Variants in TBC1D22A observed in about 807,000 individuals in gnomAD.
TBC1D22A encodes the protein putative GTPase activator.
In TBC1D22A, 38 loss-of-function variants were observed where a neutral mutation model predicts 60.2. The observed-to-expected ratio is 0.63, with a 90% confidence interval of 0.49 to 0.83. TBC1D22A has a LOEUF of 0.83. Among genes scored for constraint, TBC1D22A ranks in the 40% least tolerant of loss-of-function variants. The pLI is 0.00. For missense variants in TBC1D22A, 628 were observed against 701.0 expected (o/e 0.90, Z 1.18); for synonymous variants, 302 against 281.7 (o/e 1.07, Z -0.72).
chr22:46,848,728 C>T (rs981747991), intron 4 of TBC1D22A, among the ~76,000 whole-genome samples: 18 of 152,178 alleles, frequency 1.2e-4, no homozygotes, highest in Non-Finnish European at 1.5e-4. Context: ...TGCAAATAGT[C>T]ATAAATATTG....
intron 8 of TBC1D22A, among the ~76,000 whole-genome samples, chr22:46,919,666 G>A (rs1023255295): frequency 2.6e-5 from 4 of 150,966 alleles, no homozygotes; most frequent in African/African-American, 4.9e-5. Context: ...TGGGAGGAGC[G>A]TATGTTTCCT....
Position 46,870,070 on chromosome 22 carries a change from C to T in TBC1D22A, c.638-8583C>T, listed in dbSNP as rs145602634. 6.8e-3 allele frequency among the ~76,000 whole-genome samples: 1,037 copies of T among 152,326 alleles called. 13 individuals are homozygous for T. The highest frequency in any genetic ancestry group is 0.024 in the Middle Eastern group (7 of 294). On this transcript the variant is annotated intron_variant, in intron 4 of 12. Coordinates refer to ENST00000337137, the MANE Select transcript of TBC1D22A (RefSeq NM_014346.5). ...GTGCTCTTGGATTTGTACATTATGT[C>T]ACAGTTCACCAATGTTTCCCCATGT...
At chr22:47,085,443 A>G (rs2064640428) in intron 11 of TBC1D22A, among the ~76,000 whole-genome samples, 1 of 152,200 alleles carries the variant, frequency 6.6e-6, no homozygotes, top group South Asian at 2.1e-4. Flanking sequence ...ATGCAGTCTT[A>G]CAGTTGCCAA....
chr22:47,041,021 G>A (rs958424522), intron 11 of TBC1D22A, among the ~76,000 whole-genome samples: 1 of 152,130 alleles, frequency 6.6e-6, no homozygotes, highest in Non-Finnish European at 1.5e-5. Context: ...TGCAGGTGGC[G>A]GGGGACTCGC....
intron 11 of TBC1D22A, 63 bp downstream of exon 11, chr22:47,037,261 C>T (rs1195790253): frequency 3.8e-6 from 6 of 1,599,474 alleles, no homozygotes; most frequent in South Asian, 3.3e-5. Context: ...TTCCTGTCGC[C>T]TTCTGCCCTG....
At chr22:46,830,931 C>T (rs1292275088) in intron 4 of TBC1D22A, among the ~76,000 whole-genome samples, 1 of 152,008 alleles carries the variant, frequency 6.6e-6, no homozygotes, top group Non-Finnish European at 1.5e-5. Flanking sequence ...TAAGAGGTAT[C>T]TCCGAGGAAG....
At chr22:46,796,844 C>T (rs1218555599) in intron 3 of TBC1D22A, among the ~76,000 whole-genome samples, 2 of 152,172 alleles carry the variant, frequency 1.3e-5, no homozygotes, top group Admixed American at 1.3e-4. Context: ...CCTTTGTTTC[C>T]TTGGGATGAG....
chr22:47,045,444 G>A (rs890474293), intron 11 of TBC1D22A, among the ~76,000 whole-genome samples: 4 of 152,228 alleles, frequency 2.6e-5, no homozygotes, highest in Non-Finnish European at 4.4e-5. Flanking sequence ...GTAATCGATA[G>A]TGGGTGACCA....
chr22:47,089,658 G>A (rs938155684), intron 11 of TBC1D22A, among the ~76,000 whole-genome samples: 1 of 152,126 alleles, frequency 6.6e-6, no homozygotes, highest in African/African-American at 2.4e-5. Context: ...CAGTTTGACT[G>A]TCTTAAAGAT....
At chr22:46,814,029 C>A (rs1195717701) in intron 4 of TBC1D22A, among the ~76,000 whole-genome samples, 1 of 152,252 alleles carries the variant, frequency 6.6e-6, no homozygotes, top group South Asian at 2.1e-4. Context: ...CTTTCCGCAG[C>A]CCTTGCATAG....
chr22:47,096,587 C>T (rs145708358), intron 11 of TBC1D22A, among the ~76,000 whole-genome samples: 6 of 152,142 alleles, frequency 3.9e-5, no homozygotes, highest in South Asian at 2.1e-4. Flanking sequence ...TTTGGGGGGC[C>T]GAGGGAGGCA....
At chr22:46,908,964 G>A (rs1019879096) in intron 7 of TBC1D22A, among the ~76,000 whole-genome samples, 3 of 152,158 alleles carry the variant, frequency 2.0e-5, no homozygotes, top group Admixed American at 6.5e-5. Context: ...CTGTGGAACC[G>A]AGTCGAGGCC....
intron 3 of TBC1D22A, among the ~76,000 whole-genome samples, chr22:46,796,053 T>A (rs946850350): frequency 1.3e-5 from 2 of 152,082 alleles, no homozygotes; most frequent in Non-Finnish European, 2.9e-5. Context: ...CGCCCCGGGC[T>A]GGAGCCCCAG....
chr22:46,820,929 T>A (rs887787362), intron 4 of TBC1D22A, among the ~76,000 whole-genome samples: 1 of 152,222 alleles, frequency 6.6e-6, no homozygotes, highest in African/African-American at 2.4e-5. Context: ...TGCTTATATA[T>A]TCAGAATAGT....
chr22:46,835,893 A>C lies in TBC1D22A; in HGVS notation c.637+38273A>C, dbSNP rs6007972. On this transcript the variant is annotated intron_variant, in intron 4 of 12. Transcript: ENST00000337137. ...CCTAAGACTATCAATGGATTTCTCA[A>C]CATAAACTTTGTATGTCAGGAGTGA... Among the ~76,000 whole-genome samples the C allele has an allele frequency of 4.2e-3, 645 of 152,338 alleles. 8 individuals carry two copies. Among genetic ancestry groups the C allele is most frequent in the African/African-American group, 0.015 (629 of 41,580 alleles).
At chr22:46,937,740 G>C (rs1369246408) in intron 8 of TBC1D22A, among the ~76,000 whole-genome samples, 2 of 152,122 alleles carry the variant, frequency 1.3e-5, no homozygotes, top group East Asian at 3.8e-4. Flanking sequence ...TGTGGAGGTG[G>C]AATTAATGTG....
chr22:46,784,941 C>T (rs1302323866), intron 1 of TBC1D22A, among the ~76,000 whole-genome samples: 1 of 151,990 alleles, frequency 6.6e-6, no homozygotes, highest in Non-Finnish European at 1.5e-5. Flanking sequence ...AGTGTTGGAG[C>T]TGGGCCTTGA....
At chr22:46,781,385 G>C (rs1213849224) in intron 1 of TBC1D22A, among the ~76,000 whole-genome samples, 3 of 151,998 alleles carry the variant, frequency 2.0e-5, no homozygotes, top group Admixed American at 6.6e-5. Flanking sequence ...CATGTTGCCC[G>C]TGCTGGTCTT....
chr22:47,058,604 C>T (rs748476031), intron 11 of TBC1D22A, among the ~76,000 whole-genome samples: 3 of 151,852 alleles, frequency 2.0e-5, no homozygotes, highest in Non-Finnish European at 4.4e-5. Flanking sequence ...CCCCTGGTTC[C>T]GAGTTACACA....
Sources: allele counts gnomAD v4.1 joint callset (sites outside exome capture counted in the v4.1 genomes callset), GRCh38; gene constraint gnomAD v4.1.1; transcripts MANE v1.5; gene names NCBI Gene and HGNC (gene_info 2026-07-23, HGNC 2026-07-21).